MMD2: variants seen among roughly 807,000 people sequenced by gnomAD.
The protein encoded by MMD2 is monocyte to macrophage differentiation factor 2.
A neutral mutation model predicts 33.5 loss-of-function variants in MMD2; 30 were observed. The observed-to-expected ratio is 0.90, with a 90% CI of 0.67 to 1.22. The LOEUF (loss-of-function observed/expected upper bound fraction) is 1.22. Among genes scored for constraint, MMD2 ranks in the 50% most tolerant of loss-of-function variants. MMD2 has a pLI of 0.00. For missense variants in MMD2, 364 were observed against 325.4 expected, an observed-to-expected ratio of 1.12 and a Z score of -0.91; for synonymous variants, 129 against 123.0, an observed-to-expected ratio of 1.05 and a Z score of -0.32.
At chr7:4,944,934 AT>A (rs563814170) in intron 1 of MMD2, among the ~76,000 whole-genome samples, 1 of 149,498 alleles carries the variant, frequency 6.7e-6, no homozygotes, top group Non-Finnish European at 1.5e-5. Flanking sequence ...TGCCTGGCTA[AT>A]TTTTTTTGTA....
chr7:4,904,890 G>A (rs1026461164), downstream of MMD2, among the ~76,000 whole-genome samples: 3 of 152,220 alleles, frequency 2.0e-5, no homozygotes, highest in East Asian at 1.9e-4. Context: ...AAGCTGTGAC[G>A]CCGGAGGGCA....
chr7:4,908,833 G>T (rs547776561), intron 6 of MMD2, among the ~76,000 whole-genome samples: 192 of 151,166 alleles, frequency 1.3e-3, no homozygotes, highest in African/African-American at 4.5e-3. Context: ...GGAGTTGGAG[G>T]TTGCAGTAAG....
chr7:4,954,926 C>T (rs1479125472), intron 1 of MMD2, among the ~76,000 whole-genome samples: 1 of 152,178 alleles, frequency 6.6e-6, no homozygotes, highest in Non-Finnish European at 1.5e-5. Flanking sequence ...TCCTATTCCA[C>T]TGTTCTCATC....
intron 4 of MMD2, among the ~76,000 whole-genome samples, chr7:4,911,538 G>T (rs1049788973): frequency 3.3e-5 from 5 of 152,190 alleles, no homozygotes; most frequent in Non-Finnish European, 7.3e-5. Flanking sequence ...GCCTGTTTGG[G>T]GGCGATTGTG....
At position 4,907,147 on chromosome 7, in the gene MMD2, A is replaced by G. The variant is rs543608831; in HGVS notation, c.*249T>C. 25 of 493,672 alleles carry G rather than the reference A, an allele frequency of 5.1e-5. No homozygotes were observed. Among genetic ancestry groups the G allele is most frequent in the African/African-American group, 4.8e-4 (25 of 51,922 alleles). The allele number at this position is 493,672 out of a possible 1,614,324, so 30.6% of individuals were successfully genotyped here. On this transcript the variant is annotated 3_prime_UTR_variant, in exon 7 of 7. Transcript: ENST00000401401. ...TTCTGAAGATGTTAATGTTGCTTGT[A>G]TTAGGAAACACTCATCTAAAATAGA...
chr7:4,957,330 G>A (rs1210373585), intron 1 of MMD2, among the ~76,000 whole-genome samples: 2 of 151,278 alleles, frequency 1.3e-5, no homozygotes, highest in East Asian at 3.9e-4. Context: ...TAGTGTGGGT[G>A]ACAGAGCAAA....
intron 3 of MMD2, among the ~76,000 whole-genome samples, chr7:4,918,523 G>C (rs796232962): frequency 6.2e-5 from 8 of 128,274 alleles, no homozygotes; most frequent in African/African-American, 2.1e-4. Context: ...TCACTCCGTT[G>C]CCTTAGCTGG....
At chr7:4,950,385 A>G (rs1486825429) in intron 1 of MMD2, among the ~76,000 whole-genome samples, 9 of 152,180 alleles carry the variant, frequency 5.9e-5, no homozygotes, top group Non-Finnish European at 1.3e-4. Context: ...GGCGTGAGCC[A>G]CTGCACCCAG....
chr7:4,903,189 G>C (rs549444738), downstream of MMD2, among the ~76,000 whole-genome samples: 6 of 152,258 alleles, frequency 3.9e-5, no homozygotes, highest in African/African-American at 1.4e-4. Flanking sequence ...AGTGAGCCGA[G>C]ATTGCGCCAC....
chr7:4,910,140 G>A, intron 5 of MMD2, 190 bp from the exon 6 acceptor site: 1 of 1,309,394 alleles, frequency 7.6e-7, no homozygotes, highest in Non-Finnish European at 1.1e-6. Flanking sequence ...GCAGTTATGT[G>A]ACCCTGGGCA....
At position 4,907,493 on chromosome 7, in the gene MMD2, C is replaced by T. The variant is rs373883268; in HGVS notation, c.644G>A (p.Trp215Ter). 15 of 1,613,800 alleles carry T rather than the reference C, an allele frequency of 9.3e-6. No individual in the cohort carries two copies. The African/African-American group carries it at 1.7e-4, about 19-fold the overall frequency. Reference sequence around the variant, plus strand: ...AGCACCAAATGCTACAAAGAGATGCCAGATGGCGTGGGCAAAGGGGATCCT... The same window carrying T: ...AGCACCAAATGCTACAAAGAGATGCTAGATGGCGTGGGCAAAGGGGATCCT... ...DGRIPFAHAI[W>*]HLFVAFGAGT... is the part of the protein sequence containing the mutation. Residue 215 changes from tryptophan to a stop codon, truncating the protein, a stop_gained, in exon 7 of 7, where the codon TGG becomes TAG. Coordinates refer to ENST00000401401, the MANE Select transcript of MMD2 (RefSeq NM_198403.4). LOFTEE classifies it high-confidence loss of function.
the MMD2 span, among the ~76,000 whole-genome samples, chr7:4,894,108 G>C: frequency 6.6e-6 from 1 of 152,074 alleles, no homozygotes; most frequent in Non-Finnish European, 1.5e-5. This position sits in a 1 kb window ranked among gnomAD's most constrained non-coding sequence, Gnocchi z 4.3. Flanking sequence ...ATTCAAGATG[G>C]AGTCACTCTG....
chr7:4,923,145 C>G (rs1039560198), intron 2 of MMD2, among the ~76,000 whole-genome samples: 4 of 151,728 alleles, frequency 2.6e-5, no homozygotes, highest in African/African-American at 4.8e-5. Context: ...CTGTCCTGCA[C>G]TCAACTGGAG....
At chr7:4,901,374 G>C (rs1210978032), downstream of MMD2, among the ~76,000 whole-genome samples, 2 of 152,196 alleles carry the variant, frequency 1.3e-5, no homozygotes, top group Non-Finnish European at 2.9e-5. Flanking sequence ...CCGGGAGGCA[G>C]AGTTTCCAGT....
chr7:4,892,935 C>T, the MMD2 span, among the ~76,000 whole-genome samples: 3 of 152,044 alleles, frequency 2.0e-5, no homozygotes, highest in South Asian at 2.1e-4. Context: ...AGGCTGGTCT[C>T]GAACTCCTGA....
chr7:4,927,115 C>T (rs1785451929), intron 1 of MMD2, among the ~76,000 whole-genome samples: 1 of 152,158 alleles, frequency 6.6e-6, no homozygotes, highest in Non-Finnish European at 1.5e-5. Flanking sequence ...CTCCAACCCA[C>T]TGCAGGGGGA....
At chr7:4,892,635 A>G in the MMD2 span, among the ~76,000 whole-genome samples, 1 of 151,224 alleles carries the variant, frequency 6.6e-6, no homozygotes, top group Non-Finnish European at 1.5e-5. Context: ...AAAATTAATT[A>G]ATTAAAAGAT....
intron 1 of MMD2, among the ~76,000 whole-genome samples, chr7:4,941,612 AGAGT>A (rs765521839): frequency 6.9e-6 from 1 of 144,516 alleles, no homozygotes; most frequent in Non-Finnish European, 1.5e-5. Flanking sequence ...CCTGGACGAC[AGAGT>A]GAGAACCTGT....
At chr7:4,934,924 G>T (rs947713450) in intron 1 of MMD2, among the ~76,000 whole-genome samples, 1 of 152,170 alleles carries the variant, frequency 6.6e-6, no homozygotes, top group African/African-American at 2.4e-5. Context: ...GGTGGCTCAC[G>T]CCTGTGATCC....
Sources: allele counts gnomAD v4.1 joint callset (sites outside exome capture counted in the v4.1 genomes callset), GRCh38; gene constraint gnomAD v4.1.1; non-coding constraint Gnocchi (gnomAD v3.1); transcripts MANE v1.5; gene names NCBI Gene and HGNC (gene_info 2026-07-23, HGNC 2026-07-21).